The following CALML4 variants were observed in gnomAD, a reference collection of about 807,000 sequenced individuals.
The protein encoded by CALML4 is calmodulin-like protein 4.
A neutral mutation model predicts 17.9 loss-of-function variants in CALML4; 16 were observed. The observed-to-expected ratio is 0.89, with a 90% CI of 0.61 to 1.36. The LOEUF is 1.36. Among genes scored for constraint, CALML4 ranks in the 40% most tolerant of loss-of-function variants. The pLI is 0.00. For missense variants in CALML4, 203 were observed against 194.8 expected (o/e 1.04, Z -0.25); for synonymous variants, 86 against 71.5 (o/e 1.20, Z -1.02).
Position 68,199,560 on chromosome 15 carries a change from G to C in CALML4, c.156C>G (p.His52Gln). The C allele has an allele frequency of 6.2e-7, 1 of 1,613,478 alleles. No individual in the cohort carries two copies. Among genetic ancestry groups the C allele is most frequent in the Non-Finnish European group, 8.5e-7 (1 of 1,179,878 alleles). The change falls in exon 3 of 5, where the codon CAC (histidine) becomes CAG (glutamine). Residue 52 changes from histidine to glutamine, a missense_variant. Transcript: ENST00000467889. Reference protein sequence around the residue: ...ASPTPGEVQRHLQTHGIDGNG... With the variant: ...ASPTPGEVQRQLQTHGIDGNG... The stretch of plus-strand genomic sequence containing the variant: ...ACTCACCTATCCCGTGGGTCTGCAG[G>C]TGCCGCTGCACCTCCCCTGGCGTCG...
intron 4 of CALML4, among the ~76,000 whole-genome samples, chr15:68,194,807 C>G (rs2093136217): frequency 6.6e-6 from 1 of 152,072 alleles, no homozygotes; most frequent in South Asian, 2.1e-4. Context: ...GAACATCCTC[C>G]ACAGTCCCAG....
chr15:68,193,912 GC>G lies in CALML4; in HGVS notation c.*102del. On this transcript the variant is annotated 3_prime_UTR_variant, in exon 5 of 5. Coordinates refer to ENST00000467889, the MANE Select transcript of CALML4 (RefSeq NM_033429.3). Reference sequence around the variant, plus strand: ...TTCTATAGTTGGGTAATGTTGTCTTGCCACTGTGTTTGCCATCTCTCCCAAG... The same window carrying G: ...TTCTATAGTTGGGTAATGTTGTCTTGCACTGTGTTTGCCATCTCTCCCAAG... The G allele has an allele frequency of 1.4e-6, 1 of 734,176 alleles. No homozygotes were observed. Among genetic ancestry groups the G allele is most frequent in the Non-Finnish European group, 2.3e-6 (1 of 425,708 alleles). The allele number at this position is 734,176 out of a possible 1,614,324, so 45.5% of individuals were successfully genotyped here.
upstream of CALML4, chr15:68,205,392 C>A (rs775632304): frequency 1.3e-5 from 21 of 1,613,260 alleles, no homozygotes; most frequent in South Asian, 2.3e-4. This position sits in a 1 kb window ranked among gnomAD's most constrained non-coding sequence, Gnocchi z 4.8. Flanking sequence ...CTGGGCCCGA[C>A]GCCACCAGGG....
chr15:68,198,785 C>T (rs1301555310), intron 3 of CALML4, among the ~76,000 whole-genome samples: 1 of 151,696 alleles, frequency 6.6e-6, no homozygotes, highest in African/African-American at 2.4e-5. Flanking sequence ...TCTTTGATAT[C>T]AGAAGAATTG....
At chr15:68,194,383 GCTTT>G (rs1338938202) in intron 4 of CALML4, among the ~76,000 whole-genome samples, 9 of 114,908 alleles carry the variant, frequency 7.8e-5, no homozygotes, top group African/African-American at 2.5e-4. Flanking sequence ...GCCACCGTGT[GCTTT>G]TTTTTTTTTT....
At chr15:68,196,124 C>T (rs1446085405) in intron 4 of CALML4, among the ~76,000 whole-genome samples, 1 of 152,228 alleles carries the variant, frequency 6.6e-6, no homozygotes, top group African/African-American at 2.4e-5. Context: ...GCTCGGCTCA[C>T]TGCAACCTCC....
Position 68,204,948 on chromosome 15 carries a change from T to C in CALML4, c.34+173A>G, listed in dbSNP as rs1281986491. On this transcript the variant is annotated intron_variant, in intron 2 of 4. Coordinates refer to ENST00000467889, the MANE Select transcript of CALML4 (RefSeq NM_033429.3). This position sits in a 1 kb window ranked among gnomAD's most constrained non-coding sequence, Gnocchi z 6.0. ...AAAGCCACATGTCTATTTTGGAGGC[T>C]TACCCCCAACCCCCACCCCGCCAAC... 6.6e-6 allele frequency among the ~76,000 whole-genome samples: 1 copy of C among 151,984 alleles called. No individual in the cohort carries two copies. Among genetic ancestry groups the C allele is most frequent in the Non-Finnish European group, 1.5e-5 (1 of 68,006 alleles).
At position 68,204,182 on chromosome 15, in the gene CALML4, A is replaced by G. The variant is rs2093174502; in HGVS notation, c.34+939T>C. On this transcript the variant is annotated intron_variant, in intron 2 of 4. Coordinates refer to ENST00000467889, the MANE Select transcript of CALML4 (RefSeq NM_033429.3). This position sits in a 1 kb window ranked among gnomAD's most constrained non-coding sequence, Gnocchi z 6.0. ...TCCTGCCCCTCTGGACCAAGCTCAG[A>G]ATACCCAGAACTCTGGAACTCCTGC... 6.6e-6 allele frequency among the ~76,000 whole-genome samples: 1 copy of G among 152,160 alleles called. No individual in the cohort carries two copies. The highest frequency in any genetic ancestry group is 2.4e-5 in the African/African-American group (1 of 41,436).
At position 68,191,420 on chromosome 15, in the gene CALML4, T is replaced by C. The variant is rs1041695068; in HGVS notation, c.*2595A>G. 6.5e-6 allele frequency: 1 copy of C among 152,688 alleles called. No individual in the cohort carries two copies. The highest frequency in any genetic ancestry group is 2.4e-5 in the African/African-American group (1 of 41,468). The allele number at this position is 152,688 out of a possible 1,614,324, so 9.5% of individuals were successfully genotyped here. A position where few individuals can be genotyped will look rare whatever the true frequency, so the allele number is the denominator to read the frequency against. On this transcript the variant is annotated 3_prime_UTR_variant, in exon 5 of 5. Transcript: ENST00000467889. ...GTTTACCTATTGAATGTTACCTGTT[T>C]ATGTAGAGCTCTTTAGATGTAATAA...
chr15:68,201,130 T>A (rs147801820), intron 2 of CALML4, among the ~76,000 whole-genome samples: 1 of 152,190 alleles, frequency 6.6e-6, no homozygotes, highest in Non-Finnish European at 1.5e-5. Flanking sequence ...CAGATCGCCA[T>A]GTACCATTTA....
rs2093124463 is a variant in CALML4, at chr15:68,192,399, A to G, written c.*1616T>C. Reference sequence around the variant, plus strand: ...CTGTTTTTGTATTCTTAAGGCAGCCAAATCTCGTAAACCTCAGACCCCACA... The same window carrying G: ...CTGTTTTTGTATTCTTAAGGCAGCCGAATCTCGTAAACCTCAGACCCCACA... On this transcript the variant is annotated 3_prime_UTR_variant, in exon 5 of 5. Coordinates refer to ENST00000467889, the MANE Select transcript of CALML4 (RefSeq NM_033429.3). 6.6e-6 allele frequency: 1 copy of G among 152,232 alleles called. No individual in the cohort carries two copies. Among genetic ancestry groups the G allele is most frequent in the African/African-American group, 2.4e-5 (1 of 41,448 alleles). The allele number at this position is 152,232 out of a possible 1,614,324, so 9.4% of individuals were successfully genotyped here.
intron 4 of CALML4, among the ~76,000 whole-genome samples, chr15:68,196,170 TC>T (rs1209216023): frequency 1.3e-5 from 2 of 152,212 alleles, no homozygotes; most frequent in African/African-American, 4.8e-5. Context: ...TGCCTCAGCC[TC>T]CCGAGTAGCT....
chr15:68,199,223 A>G (rs1404079667), intron 3 of CALML4, among the ~76,000 whole-genome samples: 1 of 152,136 alleles, frequency 6.6e-6, no homozygotes, highest in Admixed American at 6.5e-5. Flanking sequence ...AGCTAAGCAC[A>G]TGACAAATAC....
chr15:68,197,533 A>G lies in CALML4; in HGVS notation c.271T>C (p.Leu91=), dbSNP rs780359522. 5.8e-5 allele frequency: 93 copies of G among 1,613,920 alleles called. No individual in the cohort carries two copies. Among genetic ancestry groups the G allele is most frequent in the Middle Eastern group, 1.6e-4 (1 of 6,084 alleles). The change falls in exon 4 of 5, where the codon TTG becomes CTG. Residue 91 remains leucine (L), a synonymous_variant. Transcript: ENST00000467889. This position sits in a 1 kb window ranked among gnomAD's most constrained non-coding sequence, Gnocchi z 4.1. ...CCTTTCTTCTCCTTGTCCACCATCAACATGGCTAGAAGAATTTCTTTCTTT... is the reference window on the plus strand; with the variant it reads ...CCTTTCTTCTCCTTGTCCACCATCAGCATGGCTAGAAGAATTTCTTTCTTT... The part of the protein sequence containing the change: ...DPKKEILLAM[L]MVDKEKKGYV...
At position 68,205,230 on chromosome 15, in the gene CALML4, G is replaced by T; in HGVS notation, c.3+15C>A. The stretch of plus-strand genomic sequence containing the variant: ...CCCCAGCCCTGGCCAGGCCGACACA[G>T]ACCCTCACACTCACCATTCTGGGGC... On this transcript the variant is annotated intron_variant, in intron 1 of 4. Coordinates refer to ENST00000467889, the MANE Select transcript of CALML4 (RefSeq NM_033429.3). This position sits in a 1 kb window ranked among gnomAD's most constrained non-coding sequence, Gnocchi z 4.8. 6.2e-7 allele frequency: 1 copy of T among 1,614,076 alleles called. No homozygotes were observed. Among genetic ancestry groups the T allele is most frequent in the Non-Finnish European group, 8.5e-7 (1 of 1,179,990 alleles).
intron 4 of CALML4, among the ~76,000 whole-genome samples, chr15:68,195,190 G>C (rs1231337567): frequency 6.6e-6 from 1 of 152,082 alleles, no homozygotes; most frequent in East Asian, 1.9e-4. Context: ...ACCTACCATG[G>C]CTCTTTAGCC....
rs897651930 is a variant in CALML4 at position 68,190,745 on chromosome 15, A to G, written c.*3270T>C. 3.3e-5 allele frequency: 5 copies of G among 151,928 alleles called. No individual in the cohort carries two copies. Among genetic ancestry groups the G allele is most frequent in the African/African-American group, 1.2e-4 (5 of 41,360 alleles). The allele number at this position is 151,928 out of a possible 1,614,324, so 9.4% of individuals were successfully genotyped here. A position where few individuals can be genotyped will look rare whatever the true frequency, so the allele number is the denominator to read the frequency against. On this transcript the variant is annotated 3_prime_UTR_variant, in exon 5 of 5. Transcript: ENST00000467889. This position sits in a 1 kb window ranked among gnomAD's most constrained non-coding sequence, Gnocchi z 4.7. ...GGCTTTTAATTACTTCGTGAGTGTTATTGGATACATCTTAAAAAAAAAAAA... is the reference window on the plus strand; with the variant it reads ...GGCTTTTAATTACTTCGTGAGTGTTGTTGGATACATCTTAAAAAAAAAAAA...
At chr15:68,196,208 C>G (rs1291171694) in intron 4 of CALML4, among the ~76,000 whole-genome samples, 3 of 152,360 alleles carry the variant, frequency 2.0e-5, no homozygotes, top group Non-Finnish European at 4.4e-5. Context: ...GCCACCACGC[C>G]TGGCTAATTT....
chr15:68,197,875 G>A lies in CALML4; in HGVS notation c.176-247C>T. 6.4e-6 allele frequency: 3 copies of A among 467,324 alleles called. No individual in the cohort carries two copies. In the East Asian group the frequency reaches 1.1e-4, roughly 17 times the overall value. The allele number at this position is 467,324 out of a possible 1,614,324, so 28.9% of individuals were successfully genotyped here. A position where few individuals can be genotyped will look rare whatever the true frequency, so the allele number is the denominator to read the frequency against. ...TGACGATGCTTATCATCACCCCAAA[G>A]CTCAAGAAAGTGGGTTCCCAACCAC... On this transcript the variant is annotated intron_variant, in intron 3 of 4. Coordinates refer to ENST00000467889, the MANE Select transcript of CALML4 (RefSeq NM_033429.3). This position sits in a 1 kb window ranked among gnomAD's most constrained non-coding sequence, Gnocchi z 4.1.
Sources: gnomAD v4.1 joint callset for allele counts (sites outside exome capture counted in the v4.1 genomes callset) on GRCh38, gnomAD v4.1.1 for gene constraint, Gnocchi (gnomAD v3.1) non-coding constraint, MANE v1.5 for transcripts, NCBI Gene and HGNC (gene_info 2026-07-23, HGNC 2026-07-21) for gene names.